Variants in SLC9A7 observed in about 807,000 individuals in gnomAD.
The protein encoded by SLC9A7 is solute carrier family 9 member A7, also known as sodium/hydrogen exchanger 7.
In SLC9A7, 19 loss-of-function variants were observed where a neutral mutation model predicts 52.6. That is an observed-to-expected ratio of 0.36 (90% CI 0.25 to 0.53). The LOEUF is 0.53. Among genes scored for constraint, SLC9A7 ranks in the 20% least tolerant of loss-of-function variants. SLC9A7 has a pLI of 0.91. For missense variants in SLC9A7, 455 were observed against 597.9 expected (o/e 0.76, Z 2.49); for synonymous variants, 226 against 252.1 (o/e 0.90, Z 0.98).
chrX:46,680,413 T>C (rs748412765), intron 2 of SLC9A7, among the ~76,000 whole-genome samples: 46 of 110,955 alleles, frequency 4.1e-4, no homozygotes, highest in Non-Finnish European at 7.0e-4. Context: ...CAGTAAAAGA[T>C]GCCGTCGTGA....
At chrX:46,665,019 G>A (rs1247703365) in intron 5 of SLC9A7, among the ~76,000 whole-genome samples, 11 of 111,332 alleles carry the variant, frequency 9.9e-5, no homozygotes, top group East Asian at 5.6e-4. Context: ...GTCAGGAACC[G>A]TTCTGTGCCC....
At chrX:46,629,546 T>C (rs1173495080) in intron 14 of SLC9A7, among the ~76,000 whole-genome samples, 1 of 112,066 alleles carries the variant, frequency 8.9e-6, no homozygotes, top group African/African-American at 3.2e-5. Flanking sequence ...CTTTCACTTA[T>C]TTCCTGTTAC....
chrX:46,632,248 C>T (rs958964020), intron 13 of SLC9A7, among the ~76,000 whole-genome samples: 1 of 112,034 alleles, frequency 8.9e-6, no homozygotes, highest in Non-Finnish European at 1.9e-5. Flanking sequence ...CTAAATACTT[C>T]ACGTGCATAT....
chrX:46,606,769 A>G lies in SLC9A7; in HGVS notation c.*183T>C. Reference sequence around the variant, plus strand: ...GGTCTACGTTTGTCTGAATTTAGAGACACTTTTGCCTCACCATCTGCATTG... The same window carrying G: ...GGTCTACGTTTGTCTGAATTTAGAGGCACTTTTGCCTCACCATCTGCATTG... On this transcript the variant is annotated 3_prime_UTR_variant, in exon 17 of 17. Transcript: ENST00000616978. 3 of 1,093,251 alleles carry G rather than the reference A, an allele frequency of 2.7e-6. No homozygotes were observed. Among genetic ancestry groups the G allele is most frequent in the Non-Finnish European group, 3.6e-6 (3 of 839,646 alleles). The allele number at this position is 1,093,251 out of a possible 1,213,427, so 90.1% of individuals were successfully genotyped here.
In SLC9A7 at chrX:46,606,346, G is replaced by A. The variant is rs1033551493; in HGVS notation, c.*606C>T. ...TTCTTCGTTCCATGTTGAAATGTTC[G>A]TGGATGTATTTTCAAATCTTCAGTC... On this transcript the variant is annotated 3_prime_UTR_variant, in exon 17 of 17. Transcript: ENST00000616978. 8 of 753,013 alleles carry A rather than the reference G, an allele frequency of 1.1e-5. No homozygotes were observed. Among genetic ancestry groups the A allele is most frequent in the African/African-American group, 6.9e-5 (3 of 43,166 alleles). 62.1% of individuals were successfully genotyped at this position (753,013 alleles called of 1,213,427 possible). A position where few individuals can be genotyped will look rare whatever the true frequency, so the allele number is the denominator to read the frequency against.
intron 1 of SLC9A7, among the ~76,000 whole-genome samples, chrX:46,688,505 G>T (rs1271405314): frequency 1.8e-5 from 2 of 109,143 alleles, no homozygotes; most frequent in Non-Finnish European, 3.8e-5. Context: ...GCTGAGGCAG[G>T]AGAATCGCTT....
chrX:46,689,556 T>C (rs1180580571), intron 1 of SLC9A7, among the ~76,000 whole-genome samples: 1 of 109,690 alleles, frequency 9.1e-6, no homozygotes, highest in Non-Finnish European at 1.9e-5. Flanking sequence ...TTTAACTTTA[T>C]GAGAAACTGC....
chrX:46,699,952 CA>C (rs1944504639), intron 1 of SLC9A7, among the ~76,000 whole-genome samples: 1 of 110,047 alleles, frequency 9.1e-6, no homozygotes, highest in East Asian at 2.8e-4. Context: ...CTCGTATCTA[CA>C]AAAAAATTAA....
chrX:46,651,686 G>A (rs1021577755), intron 8 of SLC9A7, among the ~76,000 whole-genome samples: 6 of 109,519 alleles, frequency 5.5e-5, no homozygotes, highest in Non-Finnish European at 5.7e-5. Context: ...AAAATTAGCC[G>A]GATGTGGTGG....
intron 1 of SLC9A7, among the ~76,000 whole-genome samples, chrX:46,693,584 T>C (rs1211019273): frequency 9.2e-6 from 1 of 109,148 alleles, no homozygotes; most frequent in East Asian, 2.8e-4. Flanking sequence ...AAATTAATAC[T>C]ATATATATAA....
chrX:46,712,493 C>T (rs1034672578), intron 1 of SLC9A7, among the ~76,000 whole-genome samples: 1 of 111,392 alleles, frequency 9.0e-6, no homozygotes, highest in African/African-American at 3.3e-5. Context: ...GAGGGATCCA[C>T]CCCCATTAAT....
chrX:46,719,904 C>T (rs1887670781), intron 1 of SLC9A7, among the ~76,000 whole-genome samples: 1 of 111,781 alleles, frequency 8.9e-6, no homozygotes, highest in East Asian at 2.8e-4. Flanking sequence ...GGCACAATAA[C>T]ATGGTCTAAT....
intron 1 of SLC9A7, among the ~76,000 whole-genome samples, chrX:46,756,891 C>T (rs1300901899): frequency 8.9e-6 from 1 of 111,815 alleles, no homozygotes; most frequent in Non-Finnish European, 1.9e-5. Context: ...TACGTATCAG[C>T]AAAGGAAAAT....
Position 46,602,358 on chromosome X carries a change from A to T in SLC9A7, c.*4594T>A, listed in dbSNP as rs982764128. On this transcript the variant is annotated 3_prime_UTR_variant, in exon 17 of 17. Transcript: ENST00000616978. ...GTTCGTTTCACATGACTAACAATTT[A>T]AAAAAACACCTTCATCTGCTGGGCC... 1 of 111,997 alleles carries T rather than the reference A, an allele frequency of 8.9e-6. No individual in the cohort carries two copies. The highest frequency in any genetic ancestry group is 3.2e-5 in the African/African-American group (1 of 30,777). 9.2% of individuals were successfully genotyped at this position (111,997 alleles called of 1,213,427 possible).
intron 11 of SLC9A7, 139 bp downstream of exon 11, chrX:46,648,547 C>T: frequency 2.1e-6 from 1 of 474,420 alleles, no homozygotes; most frequent in Non-Finnish European, 3.6e-6. Flanking sequence ...GTACATCTGT[C>T]TATTTCTCAC....
At chrX:46,691,507 C>T (rs772357092) in intron 1 of SLC9A7, among the ~76,000 whole-genome samples, 2 of 111,922 alleles carry the variant, frequency 1.8e-5, no homozygotes, top group Non-Finnish European at 3.8e-5. Flanking sequence ...CACAAAGTAC[C>T]TCTCTGCTGC....
intron 12 of SLC9A7, among the ~76,000 whole-genome samples, chrX:46,639,282 C>CTTT (rs767343953): frequency 3.1e-5 from 3 of 96,373 alleles, no homozygotes; most frequent in African/African-American, 3.7e-5. Context: ...ATGCTTTCCT[C>CTTT]TTTTTTTTTT....
chrX:46,732,261 CAA>C (rs1945053874), intron 1 of SLC9A7, among the ~76,000 whole-genome samples: 1 of 103,840 alleles, frequency 9.6e-6, no homozygotes, highest in Non-Finnish European at 2.0e-5. Flanking sequence ...TACAAAAATC[CAA>C]AAGTTTGGCT....
chrX:46,637,122 T>C (rs1021798432), intron 12 of SLC9A7, among the ~76,000 whole-genome samples: 7 of 112,191 alleles, frequency 6.2e-5, no homozygotes, highest in African/African-American at 2.3e-4. Flanking sequence ...AGATGATACA[T>C]TGATGAGAGA....
Sources: allele counts gnomAD v4.1 joint callset (sites outside exome capture counted in the v4.1 genomes callset), GRCh38; gene constraint gnomAD v4.1.1; transcripts MANE v1.5; gene names NCBI Gene and HGNC (gene_info 2026-07-23, HGNC 2026-07-21).